RANBP2: variants seen among roughly 807,000 people sequenced by gnomAD.
RANBP2 encodes E3 SUMO-protein ligase RanBP2.
RANBP2 carries 57 observed loss-of-function variants against 303.6 expected under a neutral mutation model. That is an observed-to-expected ratio of 0.19 (90% confidence interval 0.15 to 0.23). The LOEUF is 0.23. RANBP2 is among the 10% of genes least tolerant of loss of function. RANBP2 has a pLI of 1.00. For missense variants in RANBP2, 3,138 were observed against 3,780.8 expected (o/e 0.83, Z 4.46); for synonymous variants, 1,167 against 1,301.5 (o/e 0.90, Z 2.23).
the RANBP2 span, among the ~76,000 whole-genome samples, chr2:109,366,444 C>A: frequency 6.6e-6 from 1 of 151,980 alleles, no homozygotes; most frequent in East Asian, 1.9e-4. Flanking sequence ...AGTTCACTAC[C>A]ATTTATATCT....
chr2:108,983,128 C>G, the RANBP2 span, among the ~76,000 whole-genome samples: 2 of 152,190 alleles, frequency 1.3e-5, no homozygotes, highest in East Asian at 3.8e-4. Flanking sequence ...AGTGCCCTCC[C>G]TTGGCCACGC....
chr2:109,600,550 A>C, the RANBP2 span, among the ~76,000 whole-genome samples: 4 of 151,504 alleles, frequency 2.6e-5, no homozygotes, highest in Non-Finnish European at 5.9e-5. Context: ...AAAAAAAAAA[A>C]AACCACAAAC....
chr2:109,078,945 C>T, the RANBP2 span, among the ~76,000 whole-genome samples: 7 of 151,602 alleles, frequency 4.6e-5, no homozygotes, highest in Non-Finnish European at 1.0e-4. Context: ...GAGCCGAGAT[C>T]GCACAATTGC....
At chr2:109,728,566 C>T in the RANBP2 span, among the ~76,000 whole-genome samples, 1 of 151,496 alleles carries the variant, frequency 6.6e-6, no homozygotes, top group Admixed American at 6.6e-5. Context: ...AGCGATTCTC[C>T]TGCCTTAGCC....
chr2:108,766,363 A>G lies in RANBP2; in HGVS notation c.5824A>G (p.Ser1942Gly), dbSNP rs761290576. 2.5e-6 allele frequency: 4 copies of G among 1,612,028 alleles called. No individual in the cohort carries two copies. Among genetic ancestry groups the G allele is most frequent in the East Asian group, 4.5e-5 (2 of 44,888 alleles). Residue 1942 changes from serine (S) to glycine (G), a missense_variant, in exon 20 of 29, where the codon AGT (serine) becomes GGT (glycine). Ser to Gly is a moderately conservative substitution (Grantham distance 56, BLOSUM62 0). Transcript: ENST00000283195. The part of the protein sequence containing the change: ...NGRGVIFGQT[S>G]STFTFADLAK... Reference sequence around the variant, plus strand: ...CCGTGGTGTGATTTTTGGCCAAACAAGTAGCACTTTTACATTTGCAGATCT... The same window carrying G: ...CCGTGGTGTGATTTTTGGCCAAACAGGTAGCACTTTTACATTTGCAGATCT...
At chr2:109,585,969 G>A in the RANBP2 span, 1 of 627,486 alleles carries the variant, frequency 1.6e-6, no homozygotes, top group South Asian at 2.1e-5. Context: ...CCTCACCTAA[G>A]ATACAAGCGA....
the RANBP2 span, among the ~76,000 whole-genome samples, chr2:109,003,399 T>C: frequency 6.6e-6 from 1 of 151,716 alleles, no homozygotes; most frequent in African/African-American, 2.4e-5. Flanking sequence ...TTGCCATCCC[T>C]TTTAATTTTT....
At chr2:109,498,856 G>A in the RANBP2 span, among the ~76,000 whole-genome samples, 1 of 152,210 alleles carries the variant, frequency 6.6e-6, no homozygotes, top group African/African-American at 2.4e-5. Flanking sequence ...GCCCGGCGTG[G>A]CCACACAGGG....
chr2:108,926,207 G>A, the RANBP2 span, among the ~76,000 whole-genome samples: 1 of 152,136 alleles, frequency 6.6e-6, no homozygotes, highest in South Asian at 2.1e-4. Flanking sequence ...TTCATTTAGG[G>A]ATCTCTGGCC....
chr2:109,572,000 A>C, the RANBP2 span, among the ~76,000 whole-genome samples: 1 of 152,250 alleles, frequency 6.6e-6, no homozygotes, highest in Non-Finnish European at 1.5e-5. Flanking sequence ...TAATTTTTAA[A>C]TAAGTTTTAA....
the RANBP2 span, among the ~76,000 whole-genome samples, chr2:109,464,223 C>T: frequency 6.6e-6 from 1 of 151,890 alleles, no homozygotes; most frequent in East Asian, 1.9e-4. Flanking sequence ...ATCCTCTTGT[C>T]GGGCAAAATC....
the RANBP2 span, among the ~76,000 whole-genome samples, chr2:109,361,506 C>T: frequency 6.6e-6 from 1 of 152,302 alleles, no homozygotes; most frequent in Admixed American, 6.5e-5. Context: ...TGGAGTCTCG[C>T]TCTGTCACCC....
At chr2:109,712,401 C>T in the RANBP2 span, among the ~76,000 whole-genome samples, 2 of 151,994 alleles carry the variant, frequency 1.3e-5, no homozygotes, top group Non-Finnish European at 1.5e-5. Context: ...TTTTTGCCTT[C>T]CTGGGCCTTT....
the RANBP2 span, among the ~76,000 whole-genome samples, chr2:109,330,456 A>G: frequency 6.6e-6 from 1 of 152,184 alleles, no homozygotes; most frequent in African/African-American, 2.4e-5. Context: ...ATGACTCTAA[A>G]TAAACATTCC....
At chr2:109,657,750 C>T in the RANBP2 span, among the ~76,000 whole-genome samples, 1 of 123,578 alleles carries the variant, frequency 8.1e-6, no homozygotes, top group South Asian at 2.9e-4. Flanking sequence ...GATGGAGTCT[C>T]ACTCTGTTGC....
At chr2:109,075,167 C>T in the RANBP2 span, among the ~76,000 whole-genome samples, 1 of 149,276 alleles carries the variant, frequency 6.7e-6, no homozygotes, top group South Asian at 2.1e-4. Flanking sequence ...AAGATCAGAG[C>T]AGAAATAAGT....
chr2:109,593,907 T>A, the RANBP2 span, among the ~76,000 whole-genome samples: 24 of 152,352 alleles, frequency 1.6e-4, 1 homozygote, highest in East Asian at 4.6e-3. Context: ...CATATCACTA[T>A]GCTAGCTCAT....
At chr2:109,621,767 G>A in the RANBP2 span, among the ~76,000 whole-genome samples, 1 of 151,944 alleles carries the variant, frequency 6.6e-6, no homozygotes, top group African/African-American at 2.4e-5. Flanking sequence ...CAAAATATTA[G>A]CTAGGCATAG....
the RANBP2 span, among the ~76,000 whole-genome samples, chr2:109,397,070 T>G: frequency 6.6e-6 from 1 of 152,148 alleles, no homozygotes; most frequent in South Asian, 2.1e-4. Context: ...TGTGGTGCCC[T>G]ACAGCACAGA....
Sources: allele counts gnomAD v4.1 joint callset (sites outside exome capture counted in the v4.1 genomes callset), GRCh38; gene constraint gnomAD v4.1.1; transcripts MANE v1.5; gene names NCBI Gene and HGNC (gene_info 2026-07-23, HGNC 2026-07-21).